The following EEFSEC variants were observed in gnomAD, a reference collection of about 807,000 sequenced individuals.
EEFSEC encodes eukaryotic elongation factor, selenocysteine-tRNA specific, also known as selenocysteine-specific elongation factor.
In EEFSEC, 43 loss-of-function variants were observed where a neutral mutation model predicts 42.1. The observed-to-expected ratio is 1.02, with a 90% CI of 0.80 to 1.32. The LOEUF (loss-of-function observed/expected upper bound fraction) is 1.32. EEFSEC is among the 40% of genes most tolerant of loss of function. The probability of loss-of-function intolerance (pLI) is 0.00; values close to 1 mark genes in which losing one functional copy is unlikely to be tolerated. For synonymous variants in EEFSEC, 354 were observed against 339.1 expected (o/e 1.04, Z -0.48); for missense variants, 745 against 803.6 (o/e 0.93, Z 0.88).
chr3:128,411,779 A>G (rs1299872733), downstream of EEFSEC, among the ~76,000 whole-genome samples: 1 of 152,246 alleles, frequency 6.6e-6, no homozygotes, highest in African/African-American at 2.4e-5. Context: ...TTTTCAATAG[A>G]TAACGTCTCG....
intron 1 of EEFSEC, among the ~76,000 whole-genome samples, chr3:128,181,836 C>T (rs1018404137): frequency 6.6e-6 from 1 of 152,084 alleles, no homozygotes; most frequent in Non-Finnish European, 1.5e-5. Flanking sequence ...TTTTTTGATA[C>T]GAAGTCTCGC....
intron 3 of EEFSEC, 152 bp from the exon 4 acceptor site, chr3:128,264,465 T>G: frequency 3.7e-6 from 3 of 816,104 alleles, no homozygotes; most frequent in Non-Finnish European, 5.8e-6. Flanking sequence ...GGTTTTGATC[T>G]CCTGTCCACC....
chr3:128,181,597 C>G (rs1466534020), intron 1 of EEFSEC, among the ~76,000 whole-genome samples: 1 of 152,176 alleles, frequency 6.6e-6, no homozygotes, highest in East Asian at 1.9e-4. Flanking sequence ...AAGTGTCTCT[C>G]CTTTGAAAGG....
chr3:128,309,262 G>A (rs114815437), intron 4 of EEFSEC, among the ~76,000 whole-genome samples: 2,901 of 152,272 alleles, frequency 0.019, 69 homozygotes, highest in Non-Finnish European at 0.022. Context: ...GTCAGCACCT[G>A]GTGGAGACTG....
chr3:128,404,621 A>G (rs988553409), intron 6 of EEFSEC, among the ~76,000 whole-genome samples: 2 of 152,240 alleles, frequency 1.3e-5, no homozygotes, highest in African/African-American at 4.8e-5. Context: ...AGATACCTAC[A>G]GGCCAGGCGC....
At chr3:128,287,122 G>A (rs909765961) in intron 4 of EEFSEC, among the ~76,000 whole-genome samples, 11 of 152,214 alleles carry the variant, frequency 7.2e-5, no homozygotes, top group Admixed American at 2.0e-4. Context: ...CTGATCTATG[G>A]AAGCAAGAAT....
At chr3:128,208,847 G>A (rs2065727002) in intron 1 of EEFSEC, among the ~76,000 whole-genome samples, 1 of 152,218 alleles carries the variant, frequency 6.6e-6, no homozygotes, top group Non-Finnish European at 1.5e-5. Flanking sequence ...TTGGGCAAAA[G>A]CTCCTGCACT....
intron 5 of EEFSEC, among the ~76,000 whole-genome samples, chr3:128,351,953 G>A (rs913114355): frequency 4.6e-5 from 7 of 152,222 alleles, no homozygotes; most frequent in African/African-American, 4.8e-5. Flanking sequence ...TCCCACATGC[G>A]TTGCCTTTGG....
Position 128,230,121 on chromosome 3 carries a change from TCTCC to T in EEFSEC, c.317-16700_317-16697del, listed in dbSNP as rs200115596. 8.9e-3 allele frequency among the ~76,000 whole-genome samples: 1,267 copies of T among 141,684 alleles called. 13 individuals are homozygous for T. The highest frequency in any genetic ancestry group is 0.011 in the African/African-American group (443 of 40,334). 93.0% of individuals were successfully genotyped at this position (141,684 alleles called of 152,430 possible). ...CGTTTTTTCATTCATTCATTCTTTC[TCTCC>T]CTCCCTCCCTCCCTTCCTTCCTTTT... On this transcript the variant is annotated intron_variant, in intron 1 of 6. Transcript: ENST00000254730.
chr3:128,289,815 G>A (rs1349003417), intron 4 of EEFSEC, among the ~76,000 whole-genome samples: 1 of 152,168 alleles, frequency 6.6e-6, no homozygotes, highest in East Asian at 1.9e-4. Flanking sequence ...TTGCTGTGGG[G>A]GCCACCAATA....
At chr3:128,327,296 C>T (rs927529831) in intron 4 of EEFSEC, among the ~76,000 whole-genome samples, 2 of 149,790 alleles carry the variant, frequency 1.3e-5, no homozygotes, top group South Asian at 2.2e-4. Context: ...TCCCATCCCC[C>T]CCCCCCCAAG....
At chr3:128,355,618 A>T (rs1325637409) in intron 5 of EEFSEC, among the ~76,000 whole-genome samples, 1 of 151,926 alleles carries the variant, frequency 6.6e-6, no homozygotes. Flanking sequence ...GTAAAAAAAA[A>T]AAAAAAAAAA....
At chr3:128,414,572 A>G in the EEFSEC span, among the ~76,000 whole-genome samples, 3 of 152,334 alleles carry the variant, frequency 2.0e-5, no homozygotes, top group East Asian at 5.8e-4. Flanking sequence ...TTAATTACCA[A>G]GAAAGACTCT....
chr3:128,327,676 G>A (rs1479049830), intron 4 of EEFSEC, among the ~76,000 whole-genome samples: 1 of 152,220 alleles, frequency 6.6e-6, no homozygotes, highest in Non-Finnish European at 1.5e-5. Context: ...CAGGGAGTGT[G>A]CTGGGAGACC....
At chr3:128,269,390 A>C (rs976291223) in intron 4 of EEFSEC, among the ~76,000 whole-genome samples, 3 of 152,240 alleles carry the variant, frequency 2.0e-5, no homozygotes, top group African/African-American at 7.2e-5. Context: ...AGCCCATTGC[A>C]GCAGAGCCTG....
At chr3:128,199,701 C>T (rs1235372419) in intron 1 of EEFSEC, among the ~76,000 whole-genome samples, 1 of 151,978 alleles carries the variant, frequency 6.6e-6, no homozygotes, top group African/African-American at 2.4e-5. Context: ...TTGCCCCTCC[C>T]TGCAAAAAAG....
intron 1 of EEFSEC, among the ~76,000 whole-genome samples, chr3:128,185,531 G>C (rs1234852805): frequency 1.3e-5 from 2 of 151,480 alleles, no homozygotes; most frequent in East Asian, 3.9e-4. Context: ...TATACTTTAT[G>C]ACCTTTCGTG....
intron 1 of EEFSEC, among the ~76,000 whole-genome samples, chr3:128,203,258 T>TGA (rs2065660604): frequency 6.6e-6 from 1 of 152,246 alleles, no homozygotes; most frequent in African/African-American, 2.4e-5. Flanking sequence ...GTGATTTGAT[T>TGA]TTTATCCATT....
intron 4 of EEFSEC, among the ~76,000 whole-genome samples, chr3:128,304,419 TC>T (rs1271540564): frequency 1.3e-5 from 2 of 152,104 alleles, no homozygotes; most frequent in Non-Finnish European, 2.9e-5. Context: ...ATTTTTATTT[TC>T]GTTATAATTT....
Sources: allele counts gnomAD v4.1 joint callset (sites outside exome capture counted in the v4.1 genomes callset), GRCh38; gene constraint gnomAD v4.1.1; transcripts MANE v1.5; gene names NCBI Gene and HGNC (gene_info 2026-07-23, HGNC 2026-07-21).